ART3: variants seen among roughly 807,000 people sequenced by gnomAD.
ART3 encodes the protein ADP-ribosyltransferase 3 (inactive).
A neutral mutation model predicts 48.5 loss-of-function variants in ART3; 49 were observed. The observed-to-expected ratio is 1.01, with a 90% CI of 0.80 to 1.28. The LOEUF (loss-of-function observed/expected upper bound fraction) is 1.28, where lower values mean the gene tolerates loss of function less well. Ranked by LOEUF, ART3 falls within the 50% of genes most tolerant of loss-of-function variation. ART3 has a pLI of 0.00. For synonymous variants in ART3, 145 were observed against 157.2 expected, an observed-to-expected ratio of 0.92 and a Z score of 0.58; for missense variants, 438 against 454.3, an observed-to-expected ratio of 0.96 and a Z score of 0.33.
At chr4:76,023,829 G>A (rs1322356982) in intron 1 of ART3, among the ~76,000 whole-genome samples, 1 of 152,098 alleles carries the variant, frequency 6.6e-6, no homozygotes, top group East Asian at 1.9e-4. Flanking sequence ...AACTTTTACA[G>A]TTACTTTCAG....
chr4:76,016,913 A>G (rs2149358825), intron 1 of ART3, among the ~76,000 whole-genome samples: 1 of 152,140 alleles, frequency 6.6e-6, no homozygotes, highest in East Asian at 1.9e-4. Context: ...CTTAAGGCCC[A>G]AGGGCTCTTC....
At chr4:76,049,555 C>T (rs1410710874) in intron 1 of ART3, among the ~76,000 whole-genome samples, 1 of 151,934 alleles carries the variant, frequency 6.6e-6, no homozygotes, top group African/African-American at 2.4e-5. Context: ...AGAGCCCTTT[C>T]CCAGACAGCC....
intron 1 of ART3, among the ~76,000 whole-genome samples, chr4:76,052,602 C>T (rs146046380): frequency 5.9e-5 from 9 of 152,234 alleles, no homozygotes; most frequent in African/African-American, 2.2e-4. Context: ...ATCCACCGCC[C>T]CCAACCCTTC....
intron 1 of ART3, among the ~76,000 whole-genome samples, chr4:76,026,131 A>G (rs4241579): frequency 0.61 from 92,153 of 150,888 alleles, 29,198 homozygotes; most frequent in East Asian, 0.94. Flanking sequence ...TACACTGGCA[A>G]TTTTCTCCAT....
intron 1 of ART3, among the ~76,000 whole-genome samples, chr4:76,033,499 G>A (rs1734062875): frequency 6.6e-6 from 1 of 152,106 alleles, no homozygotes; most frequent in African/African-American, 2.4e-5. Flanking sequence ...TTTTCTCCAA[G>A]TAAGAAGGGG....
At chr4:76,026,782 G>C (rs969712271) in intron 1 of ART3, among the ~76,000 whole-genome samples, 2 of 152,214 alleles carry the variant, frequency 1.3e-5, no homozygotes, top group African/African-American at 4.8e-5. Context: ...GGCCATGGAT[G>C]GTGTTAGAAG....
At chr4:76,036,116 CA>C (rs1156920737) in intron 1 of ART3, 2 of 727,636 alleles carry the variant, frequency 2.7e-6, no homozygotes, top group African/African-American at 1.8e-5. Context: ...TTTTATACAC[CA>C]GCAATCCTTT....
At chr4:76,110,216 G>A (rs981620576) in intron 11 of ART3, among the ~76,000 whole-genome samples, 2 of 152,042 alleles carry the variant, frequency 1.3e-5, no homozygotes, top group Non-Finnish European at 2.9e-5. Context: ...GAAAATATTT[G>A]TGGGAAAAAA....
At chr4:76,081,513 A>G (rs1325311540) in intron 2 of ART3, among the ~76,000 whole-genome samples, 3 of 152,244 alleles carry the variant, frequency 2.0e-5, no homozygotes, top group Admixed American at 2.0e-4. Context: ...CAGGACTGCC[A>G]CCCATTTCTT....
intron 1 of ART3, among the ~76,000 whole-genome samples, chr4:76,032,961 A>G (rs1449278962): frequency 6.6e-6 from 1 of 151,912 alleles, no homozygotes; most frequent in Non-Finnish European, 1.5e-5. Context: ...ATAGATTTAT[A>G]TAACAATTTA....
chr4:76,040,739 A>G (rs1378879694), intron 1 of ART3, among the ~76,000 whole-genome samples: 1 of 152,190 alleles, frequency 6.6e-6, no homozygotes, highest in East Asian at 1.9e-4. Flanking sequence ...GAGCTAAATC[A>G]CAGTTTGAAA....
At chr4:76,104,220 C>T (rs1727972029) in intron 9 of ART3, 4 of 510,162 alleles carry the variant, frequency 7.8e-6, no homozygotes, top group African/African-American at 2.1e-5. Flanking sequence ...GAGGGGAAGG[C>T]TCCTGGGATC....
intron 1 of ART3, among the ~76,000 whole-genome samples, chr4:76,045,680 A>G (rs1303309587): frequency 6.6e-6 from 1 of 152,016 alleles, no homozygotes; most frequent in Non-Finnish European, 1.5e-5. Context: ...AGCTTGTACT[A>G]GAGCCTGCTT....
chr4:76,033,856 G>A (rs948077880), intron 1 of ART3: 1 of 152,086 alleles, frequency 6.6e-6, no homozygotes, highest in South Asian at 2.1e-4. Flanking sequence ...TGATTGCTAG[G>A]TATACATTTG....
chr4:76,106,562 G>A (rs1432466129), intron 10 of ART3, among the ~76,000 whole-genome samples: 2 of 152,146 alleles, frequency 1.3e-5, no homozygotes, highest in Admixed American at 6.6e-5. Context: ...GGGAGAGAGC[G>A]TTGTGTGTCT....
chr4:76,039,183 T>C (rs1734724516), intron 1 of ART3, among the ~76,000 whole-genome samples: 1 of 150,732 alleles, frequency 6.6e-6, no homozygotes, highest in Non-Finnish European at 1.5e-5. Context: ...TACTGCAACC[T>C]CCGCCTCCTG....
At chr4:76,077,525 A>T (rs1278933720) in intron 2 of ART3, among the ~76,000 whole-genome samples, 1 of 152,142 alleles carries the variant, frequency 6.6e-6, no homozygotes, top group Non-Finnish European at 1.5e-5. Flanking sequence ...TTTTTAAAAA[A>T]TTTTCTAATC....
rs9991192 is a variant in ART3 at position 76,062,844 on chromosome 4, G to A, written c.-9-13037G>A. 1.8e-3 allele frequency among the ~76,000 whole-genome samples: 278 copies of A among 152,208 alleles called. 3 individuals carry two copies. The highest frequency in any genetic ancestry group is 6.4e-3 in the African/African-American group (264 of 41,546). On this transcript the variant is annotated intron_variant, in intron 1 of 9. Coordinates refer to the ART3 transcript ENST00000341029. The stretch of plus-strand genomic sequence containing the variant: ...CAAAGTGCTGGGATTACAAGTGTGA[G>A]CCACCGAGCCCGGCCCCAAGTCACA...
rs748564365 is a variant in ART3, at chr4:76,081,890, A to G, written c.136A>G (p.Arg46Gly). The G allele has an allele frequency of 1.7e-5, 28 of 1,614,136 alleles. No homozygotes were observed. The highest frequency in any genetic ancestry group is 2.2e-5 in the Non-Finnish European group (26 of 1,180,054). Reference protein sequence around the residue: ...FDDEYLKCTDRMEIKYVPQLL... With the variant: ...FDDEYLKCTDGMEIKYVPQLL... ...TGATGAATACCTGAAATGTACGGAC[A>G]GGATGGAAATTAAATACGTTCCCCA... is the stretch of plus-strand genomic sequence containing the variant. The change falls in exon 3 of 12, where the codon AGG becomes GGG. Residue 46 changes from arginine (R) to glycine (G), a missense_variant. By Grantham distance (125) the Arg-to-Gly change is moderately radical. This residue lies in a region of ART3 where 206 missense variants were observed against 205.3 expected (regional missense o/e 1.00). Transcript: ENST00000355810.
Sources: allele counts gnomAD v4.1 joint callset (sites outside exome capture counted in the v4.1 genomes callset), GRCh38; gene constraint gnomAD v4.1.1; regional missense constraint gnomAD v4.1.1; transcripts MANE v1.5; gene names NCBI Gene and HGNC (gene_info 2026-07-23, HGNC 2026-07-21).